The following EIF4E3 variants were observed in gnomAD, a reference collection of about 807,000 sequenced individuals.
EIF4E3 encodes the protein eukaryotic translation initiation factor 4E family member 3, also known as eukaryotic translation initiation factor 4E type 3.
In EIF4E3, 26 loss-of-function variants were observed where a neutral mutation model predicts 31.7. The ratio of observed to expected loss-of-function variants is 0.82; its 90% confidence interval spans 0.60 to 1.14. EIF4E3 has a LOEUF of 1.14. Among genes scored for constraint, EIF4E3 ranks in the 50% most tolerant of loss-of-function variants. EIF4E3 has a pLI of 0.00. For missense variants in EIF4E3, 304 were observed against 270.9 expected, an observed-to-expected ratio of 1.12 and a Z score of -0.86; for synonymous variants, 128 against 107.7, an observed-to-expected ratio of 1.19 and a Z score of -1.17.
chr3:71,686,705 CAATA>C (rs895677648), intron 6 of EIF4E3, among the ~76,000 whole-genome samples: 1 of 152,060 alleles, frequency 6.6e-6, no homozygotes, highest in Non-Finnish European at 1.5e-5. Flanking sequence ...GGTTTCCAAA[CAATA>C]AATCCAGATA....
downstream of EIF4E3, among the ~76,000 whole-genome samples, chr3:71,674,671 G>T (rs890221402): frequency 9.9e-5 from 15 of 152,258 alleles, no homozygotes; most frequent in East Asian, 2.7e-3. Flanking sequence ...GTTAAGCTGG[G>T]CCAATACCTG....
intron 1 of EIF4E3, among the ~76,000 whole-genome samples, chr3:71,746,245 T>C (rs1559615782): frequency 6.6e-6 from 1 of 152,256 alleles, no homozygotes; most frequent in African/African-American, 2.4e-5. Context: ...GCTCCTCATC[T>C]GTCAAACTGG....
intron 5 of EIF4E3, among the ~76,000 whole-genome samples, chr3:71,690,628 T>TG (rs2049051566): frequency 6.6e-6 from 1 of 152,190 alleles, no homozygotes; most frequent in African/African-American, 2.4e-5. Context: ...TCAGGGACCT[T>TG]GGAGTGGTCA....
chr3:71,732,480 T>G (rs1428503633), intron 1 of EIF4E3, among the ~76,000 whole-genome samples: 1 of 152,252 alleles, frequency 6.6e-6, no homozygotes, highest in Non-Finnish European at 1.5e-5. Flanking sequence ...AGACCTTTGT[T>G]GTGGCCACAC....
At chr3:71,724,583 T>C (rs1480602589) in intron 1 of EIF4E3, among the ~76,000 whole-genome samples, 1 of 152,176 alleles carries the variant, frequency 6.6e-6, no homozygotes, top group African/African-American at 2.4e-5. Flanking sequence ...TGCTCATTAT[T>C]GAATCTCCAG....
intron 2 of EIF4E3, among the ~76,000 whole-genome samples, chr3:71,708,825 CTT>C (rs1367202027): frequency 6.6e-6 from 1 of 152,182 alleles, no homozygotes; most frequent in Non-Finnish European, 1.5e-5. Flanking sequence ...CTCCCAGACT[CTT>C]AGCGCGTTGA....
downstream of EIF4E3, among the ~76,000 whole-genome samples, chr3:71,675,117 C>G (rs1313362130): frequency 6.6e-6 from 1 of 152,216 alleles, no homozygotes; most frequent in Non-Finnish European, 1.5e-5. Flanking sequence ...GTCAAGAAAC[C>G]AAATTCCATC....
chr3:71,697,887 A>G (rs2049161375), intron 3 of EIF4E3, among the ~76,000 whole-genome samples: 2 of 152,150 alleles, frequency 1.3e-5, no homozygotes, highest in African/African-American at 4.8e-5. Context: ...AAGTGTAGAC[A>G]TCTCTTCGAC....
chr3:71,718,273 C>A (rs934036943), intron 1 of EIF4E3, among the ~76,000 whole-genome samples: 3 of 152,186 alleles, frequency 2.0e-5, no homozygotes, highest in African/African-American at 7.2e-5. Flanking sequence ...CTGTGGCTTG[C>A]GGCTACACCA....
At chr3:71,701,938 C>T (rs1330243002) in intron 2 of EIF4E3, among the ~76,000 whole-genome samples, 1 of 152,140 alleles carries the variant, frequency 6.6e-6, no homozygotes, top group African/African-American at 2.4e-5. Flanking sequence ...TATGGAGGTA[C>T]CTATCCTGTA....
chr3:71,746,965 T>C (rs1233271997), intron 1 of EIF4E3, among the ~76,000 whole-genome samples: 1 of 152,254 alleles, frequency 6.6e-6, no homozygotes, highest in Non-Finnish European at 1.5e-5. Context: ...ATACCAGTAC[T>C]TGTTATTATG....
chr3:71,751,533 G>C (rs965380105), intron 1 of EIF4E3, among the ~76,000 whole-genome samples: 1 of 152,126 alleles, frequency 6.6e-6, no homozygotes, highest in Non-Finnish European at 1.5e-5. Flanking sequence ...CCCTCCTCTG[G>C]GCAGAGGCAG....
rs771430223 is a variant in EIF4E3 at position 71,699,750 on chromosome 3, T to C, written c.250-42A>G. The C allele has an allele frequency of 1.1e-5, 17 of 1,519,180 alleles. No individual in the cohort carries two copies. The African/African-American group carries it at 1.5e-4, about 13-fold the overall frequency. 94.1% of individuals were successfully genotyped at this position (1,519,180 alleles called of 1,614,324 possible). On this transcript the variant is annotated intron_variant, in intron 2 of 6. Coordinates refer to ENST00000425534, the MANE Select transcript of EIF4E3 (RefSeq NM_001134651.2). ...AACACTTTGTTTAATATACCCAGTA[T>C]TGATTTATTATGCTGCTAGATTATC... is the stretch of plus-strand genomic sequence containing the variant.
chr3:71,683,939 G>T lies in EIF4E3; in HGVS notation c.*743C>A, dbSNP rs1437808962. 6.6e-6 allele frequency: 1 copy of T among 152,072 alleles called. No homozygotes were observed. Among genetic ancestry groups the T allele is most frequent in the South Asian group, 2.1e-4 (1 of 4,828 alleles). 9.4% of individuals were successfully genotyped at this position (152,072 alleles called of 1,614,324 possible). A position where few individuals can be genotyped will look rare whatever the true frequency, so the allele number is the denominator to read the frequency against. ...GGTTGAAAAGGCCAAATTAAAATTC[G>T]GGTTAGAAATGTTTCCACAGAGGGT... On this transcript the variant is annotated 3_prime_UTR_variant, in exon 7 of 7. Coordinates refer to ENST00000425534, the MANE Select transcript of EIF4E3 (RefSeq NM_001134651.2).
At position 71,675,710 on chromosome 3, in the gene EIF4E3, T is replaced by C. The variant is rs2048870280; in HGVS notation, c.*8972A>G. 1.3e-5 allele frequency: 2 copies of C among 152,240 alleles called. No individual in the cohort carries two copies. The highest frequency in any genetic ancestry group is 4.8e-5 in the African/African-American group (2 of 41,460). The allele number at this position is 152,240 out of a possible 1,614,324, so 9.4% of individuals were successfully genotyped here. ...TTTCTTCATCTGTAAAATGAAAAGT[T>C]TGAACTAGGCCAGTGATTTTTCCAT... On this transcript the variant is annotated 3_prime_UTR_variant, in exon 7 of 7. Transcript: ENST00000425534.
intron 1 of EIF4E3, among the ~76,000 whole-genome samples, chr3:71,736,067 T>C (rs57633652): frequency 0.14 from 21,415 of 152,220 alleles, 2,111 homozygotes; most frequent in East Asian, 0.37. Flanking sequence ...CTTAATATCA[T>C]ATGTCACTGG....
intron 1 of EIF4E3, among the ~76,000 whole-genome samples, chr3:71,732,058 A>C (rs2049712382): frequency 6.6e-6 from 1 of 152,142 alleles, no homozygotes; most frequent in Admixed American, 6.5e-5. Context: ...TGAGCTCCCG[A>C]AGACAGGCCT....
chr3:71,672,246 C>A (rs1312077808), downstream of EIF4E3, among the ~76,000 whole-genome samples: 1 of 152,110 alleles, frequency 6.6e-6, no homozygotes, highest in Non-Finnish European at 1.5e-5. Context: ...TTTTTAACCT[C>A]ATCTTCACAG....
At position 71,690,155 on chromosome 3, in the gene EIF4E3, T is replaced by A. The variant is rs1463429943; in HGVS notation, c.483A>T (p.Val161=). The A allele has an allele frequency of 8.7e-6, 14 of 1,608,586 alleles. No homozygotes were observed. The African/African-American group carries it at 1.3e-4, about 15-fold the overall frequency. ...CCCGAACACTGACACTAACTCCTAT[T>A]ACTTCATCATCTGAGGGGAAGACAG... ...FTDCAAADDE[V]IGVSVSVRDR... is the part of the protein sequence containing the mutation. The change falls in exon 6 of 7, where the codon GTA becomes GTT. Residue 161 remains valine, a synonymous_variant. Transcript: ENST00000425534.
Sources: allele counts gnomAD v4.1 joint callset (sites outside exome capture counted in the v4.1 genomes callset), GRCh38; gene constraint gnomAD v4.1.1; transcripts MANE v1.5; gene names NCBI Gene and HGNC (gene_info 2026-07-23, HGNC 2026-07-21).